The following SEMA6D variants were observed in gnomAD, a reference collection of about 807,000 sequenced individuals.
SEMA6D encodes semaphorin-6D.
In SEMA6D, 35 loss-of-function variants were observed where a neutral mutation model predicts 106.6. The ratio of observed to expected loss-of-function variants is 0.33; its 90% CI spans 0.25 to 0.44. The LOEUF (loss-of-function observed/expected upper bound fraction) is 0.44, where lower values mean the gene tolerates loss of function less well. Among genes scored for constraint, SEMA6D ranks in the 20% least tolerant of loss-of-function variants. The pLI is 1.00. For missense variants in SEMA6D, 1,185 were observed against 1,345.9 expected, an observed-to-expected ratio of 0.88 and a Z score of 1.87; for synonymous variants, 499 against 487.7, an observed-to-expected ratio of 1.02 and a Z score of -0.31.
At chr15:47,467,007 G>T (rs754305874) in intron 2 of SEMA6D, among the ~76,000 whole-genome samples, 4 of 151,786 alleles carry the variant, frequency 2.6e-5, no homozygotes, top group Non-Finnish European at 5.9e-5. Flanking sequence ...GGGATTACAG[G>T]CATGAGCTAC....
At chr15:47,343,429 C>T (rs2037910126) in intron 1 of SEMA6D, among the ~76,000 whole-genome samples, 1 of 151,564 alleles carries the variant, frequency 6.6e-6, no homozygotes, top group African/African-American at 2.4e-5. Context: ...ACAACAGTCC[C>T]CAGTGTGTGA....
At chr15:47,205,756 T>C (rs1455760260) in intron 1 of SEMA6D, among the ~76,000 whole-genome samples, 1 of 151,952 alleles carries the variant, frequency 6.6e-6, no homozygotes, top group Non-Finnish European at 1.5e-5. Flanking sequence ...TATTTTATTT[T>C]AATCAATATT....
At chr15:47,691,657 A>G (rs553353695) in intron 4 of SEMA6D, among the ~76,000 whole-genome samples, 81 of 152,296 alleles carry the variant, frequency 5.3e-4, no homozygotes, top group African/African-American at 1.9e-3. Flanking sequence ...TAAAAGTATT[A>G]GCCGTATCTT....
chr15:47,595,621 T>A (rs1020222552), intron 3 of SEMA6D, among the ~76,000 whole-genome samples: 2 of 152,176 alleles, frequency 1.3e-5, no homozygotes, highest in African/African-American at 4.8e-5. Flanking sequence ...AAAGTACTCC[T>A]TCTTCTTTAT....
chr15:47,734,462 C>G (rs1202829147), intron 1 of SEMA6D, among the ~76,000 whole-genome samples: 2 of 152,158 alleles, frequency 1.3e-5, no homozygotes, highest in East Asian at 3.9e-4. Flanking sequence ...GAGAACCACA[C>G]TTTTATTTAC....
chr15:47,418,983 A>G (rs1014718083), intron 2 of SEMA6D, among the ~76,000 whole-genome samples: 1 of 152,172 alleles, frequency 6.6e-6, no homozygotes, highest in African/African-American at 2.4e-5. Flanking sequence ...TCCACCAGGA[A>G]AGTTCACCAA....
intron 3 of SEMA6D, among the ~76,000 whole-genome samples, chr15:47,471,929 TCTCA>T (rs1222749776): frequency 3.5e-3 from 374 of 106,038 alleles, no homozygotes; most frequent in African/African-American, 0.012. Flanking sequence ...TCTCTCTCTC[TCTCA>T]CACACACACA....
At chr15:47,687,908 A>G (rs1037211736) in intron 4 of SEMA6D, among the ~76,000 whole-genome samples, 2 of 152,190 alleles carry the variant, frequency 1.3e-5, no homozygotes, top group African/African-American at 2.4e-5. Flanking sequence ...CAGTTTAAAA[A>G]GAGAAAATAA....
At chr15:47,637,415 A>G (rs2077408843) in intron 4 of SEMA6D, among the ~76,000 whole-genome samples, 2 of 152,168 alleles carry the variant, frequency 1.3e-5, no homozygotes, top group Admixed American at 1.3e-4. Context: ...CTATGTCCTT[A>G]GAGCAAGATT....
chr15:47,446,709 C>T (rs772188215), intron 2 of SEMA6D, among the ~76,000 whole-genome samples: 12 of 151,914 alleles, frequency 7.9e-5, no homozygotes, highest in South Asian at 2.1e-4. Flanking sequence ...TGCATCCTTC[C>T]GAAAGGGAAA....
chr15:47,545,246 G>A (rs1190818017), intron 3 of SEMA6D, among the ~76,000 whole-genome samples: 2 of 152,100 alleles, frequency 1.3e-5, no homozygotes, highest in South Asian at 2.1e-4. Context: ...GGGGAAAAAA[G>A]TATAACCAAT....
intron 1 of SEMA6D, among the ~76,000 whole-genome samples, chr15:47,301,606 C>T (rs935300154): frequency 2.0e-5 from 3 of 152,358 alleles, no homozygotes; most frequent in Admixed American, 6.5e-5. Context: ...GATCTAAGCT[C>T]ATTGCTGCCT....
intron 1 of SEMA6D, among the ~76,000 whole-genome samples, chr15:47,340,036 A>C (rs972459522): frequency 1.3e-5 from 2 of 152,160 alleles, no homozygotes; most frequent in Non-Finnish European, 2.9e-5. Flanking sequence ...AAACCTAAAT[A>C]AATGAAGAAG....
chr15:47,203,920 A>G (rs760907597), intron 1 of SEMA6D, among the ~76,000 whole-genome samples: 2 of 152,214 alleles, frequency 1.3e-5, no homozygotes, highest in Non-Finnish European at 2.9e-5. Context: ...GAAGTTAATT[A>G]TTTTAAACAG....
chr15:47,418,702 G>A (rs1351942126), intron 2 of SEMA6D, among the ~76,000 whole-genome samples: 1 of 152,040 alleles, frequency 6.6e-6, no homozygotes, highest in Non-Finnish European at 1.5e-5. Flanking sequence ...GGTGGGTAGG[G>A]AAGGCATAAG....
intron 3 of SEMA6D, among the ~76,000 whole-genome samples, chr15:47,491,677 GCATATAACAATAATAT>G (rs1293873654): frequency 6.6e-6 from 1 of 152,092 alleles, no homozygotes; most frequent in Non-Finnish European, 1.5e-5. Context: ...AGAGAGCTAT[GCATATAACAATAATAT>G]CATACAAATG....
intron 1 of SEMA6D, among the ~76,000 whole-genome samples, chr15:47,305,760 T>A (rs1202289833): frequency 1.3e-5 from 2 of 152,228 alleles, no homozygotes; most frequent in Non-Finnish European, 2.9e-5. Context: ...GTTCTGGCTT[T>A]TGGACCACAG....
At chr15:47,262,163 C>A (rs1353286443) in intron 1 of SEMA6D, among the ~76,000 whole-genome samples, 1 of 152,006 alleles carries the variant, frequency 6.6e-6, no homozygotes, top group Non-Finnish European at 1.5e-5. Context: ...GAACGACAAA[C>A]CACTGCTCAA....
At chr15:47,765,747 A>T in intron 13 of SEMA6D, 122 bp from the exon 14 acceptor site, 1 of 900,118 alleles carries the variant, frequency 1.1e-6, no homozygotes, top group Non-Finnish European at 1.6e-6. Flanking sequence ...TTCCCAAGCT[A>T]TGTACTTGCC....
Sources: gnomAD v4.1 joint callset for allele counts (sites outside exome capture counted in the v4.1 genomes callset) on GRCh38, gnomAD v4.1.1 for gene constraint, MANE v1.5 for transcripts, NCBI Gene and HGNC (gene_info 2026-07-23, HGNC 2026-07-21) for gene names.